ITPKB: variants seen among roughly 807,000 people sequenced by gnomAD.
ITPKB encodes the protein inositol-trisphosphate 3-kinase B, also known as IP3 3-kinase B.
ITPKB carries 13 observed loss-of-function variants against 69.4 expected under a neutral mutation model. That is an observed-to-expected ratio of 0.19 (90% confidence interval 0.12 to 0.30). The LOEUF is 0.30. ITPKB is among the 10% of genes least tolerant of loss of function. The pLI, the probability that ITPKB is intolerant of heterozygous loss-of-function variation, is 1.00. For synonymous variants in ITPKB, 584 were observed against 513.7 expected, an observed-to-expected ratio of 1.14 and a Z score of -1.85; for missense variants, 1,240 against 1,250.5, an observed-to-expected ratio of 0.99 and a Z score of 0.13.
intron 2 of ITPKB, among the ~76,000 whole-genome samples, chr1:226,727,383 G>A (rs1035754009): frequency 1.3e-5 from 2 of 152,156 alleles, no homozygotes; most frequent in South Asian, 2.1e-4. Flanking sequence ...GAACTGCCTG[G>A]GGGTGCAGTG....
At chr1:226,654,498 C>T (rs1031883172) in intron 2 of ITPKB, among the ~76,000 whole-genome samples, 4 of 152,196 alleles carry the variant, frequency 2.6e-5, no homozygotes, top group Non-Finnish European at 5.9e-5. Flanking sequence ...GGAATCTACT[C>T]CCTGGGGGCC....
Position 226,735,879 on chromosome 1 carries a change from T to G in ITPKB, c.1580A>C (p.Gln527Pro). The G allele has an allele frequency of 6.2e-7, 1 of 1,610,328 alleles. No homozygotes were observed. Among genetic ancestry groups the G allele is most frequent in the Non-Finnish European group, 8.5e-7 (1 of 1,177,062 alleles). ...GLAWTRGTGVQSEGTWESQRQ... is the reference protein window; with the variant it reads ...GLAWTRGTGVPSEGTWESQRQ... ...CTGGCTTTCCCAAGTCCCCTCTGAT[T>G]GCACCCCTGTGCCACGCGTCCAAGC... is the stretch of plus-strand genomic sequence containing the variant. Residue 527 changes from glutamine (Q) to proline (P), a missense_variant, in exon 2 of 8, where the codon CAA becomes CCA. Coordinates refer to ENST00000429204, the MANE Select transcript of ITPKB (RefSeq NM_002221.4).
In ITPKB at chr1:226,737,280, G is replaced by T. The variant is rs745414158; in HGVS notation, c.179C>A (p.Pro60Gln). Reference sequence around the variant, plus strand: ...CTCCTCGGGGGACAGCGACTCGGCTGGGGGGAAGAGGAAAGAGGCGCCTCT... The same window carrying T: ...CTCCTCGGGGGACAGCGACTCGGCTTGGGGGAAGAGGAAAGAGGCGCCTCT... ...PGRGASFLFP[P>Q]AESLSPEEPR... The change falls in exon 2 of 8, where the codon CCA becomes CAA. Residue 60 changes from proline (P) to glutamine (Q), a missense_variant. Physicochemically the swap from Pro to Gln is moderately conservative, Grantham distance 76. Transcript: ENST00000429204. The T allele has an allele frequency of 1.4e-5, 22 of 1,556,370 alleles. No individual in the cohort carries two copies. The East Asian group carries it at 1.4e-4, about 10-fold the overall frequency.
intron 2 of ITPKB, among the ~76,000 whole-genome samples, chr1:226,666,554 C>A (rs1669507173): frequency 2.0e-5 from 3 of 152,212 alleles, no homozygotes; most frequent in Non-Finnish European, 2.9e-5. Flanking sequence ...ATGGGAGACC[C>A]TAAGATCTAC....
chr1:226,643,764 C>T (rs556175613), intron 4 of ITPKB, among the ~76,000 whole-genome samples: 2 of 152,360 alleles, frequency 1.3e-5, no homozygotes, highest in South Asian at 4.1e-4. Flanking sequence ...AAGTCAGTAG[C>T]TTTGGGTTGG....
At chr1:226,651,372 GT>G (rs901505307) in intron 2 of ITPKB, among the ~76,000 whole-genome samples, 1 of 152,212 alleles carries the variant, frequency 6.6e-6, no homozygotes, top group Non-Finnish European at 1.5e-5. Context: ...CTTAGTCCTT[GT>G]TTGTAAAAAG....
intron 2 of ITPKB, among the ~76,000 whole-genome samples, chr1:226,720,106 A>G (rs1223659340): frequency 2.0e-5 from 3 of 152,202 alleles, no homozygotes; most frequent in Non-Finnish European, 4.4e-5. Context: ...CCTTTTTTAA[A>G]CAAAGGCCCA....
At chr1:226,720,177 C>T (rs1657198535) in intron 2 of ITPKB, among the ~76,000 whole-genome samples, 1 of 152,204 alleles carries the variant, frequency 6.6e-6, no homozygotes. Flanking sequence ...AAATTTTTAA[C>T]TAGACTAAAA....
intron 4 of ITPKB, among the ~76,000 whole-genome samples, chr1:226,646,651 G>T (rs1215839809): frequency 6.6e-6 from 1 of 152,128 alleles, no homozygotes; most frequent in Non-Finnish European, 1.5e-5. Flanking sequence ...TCCGTCAGGG[G>T]CTTCCTCCTC....
At chr1:226,665,754 A>G (rs1439972487) in intron 2 of ITPKB, among the ~76,000 whole-genome samples, 1 of 152,154 alleles carries the variant, frequency 6.6e-6, no homozygotes, top group African/African-American at 2.4e-5. Context: ...GCAGTACCTG[A>G]CTCTGACCAA....
intron 2 of ITPKB, among the ~76,000 whole-genome samples, chr1:226,715,351 G>A (rs1472083603): frequency 6.6e-6 from 1 of 152,222 alleles, no homozygotes; most frequent in African/African-American, 2.4e-5. Flanking sequence ...GACAAGGCCT[G>A]TGCGTGCATT....
chr1:226,653,087 G>A (rs1669227188), intron 2 of ITPKB, among the ~76,000 whole-genome samples: 1 of 152,176 alleles, frequency 6.6e-6, no homozygotes, highest in African/African-American at 2.4e-5. Context: ...TGGGGCTCTC[G>A]CTATGTGACA....
At chr1:226,722,001 C>A (rs777614714) in intron 2 of ITPKB, among the ~76,000 whole-genome samples, 1 of 151,760 alleles carries the variant, frequency 6.6e-6, no homozygotes, top group South Asian at 2.1e-4. Context: ...TTAGTAGATA[C>A]GGGATTTCAC....
intron 2 of ITPKB, among the ~76,000 whole-genome samples, chr1:226,649,060 C>T (rs760766461): frequency 2.0e-5 from 3 of 152,246 alleles, no homozygotes; most frequent in Non-Finnish European, 4.4e-5. Context: ...AGCCGCACCA[C>T]ATTAGTTCAT....
chr1:226,673,696 C>T (rs1388977585), intron 2 of ITPKB, among the ~76,000 whole-genome samples: 58 of 151,682 alleles, frequency 3.8e-4, no homozygotes, highest in East Asian at 7.7e-4. Flanking sequence ...TTGATATGTA[C>T]ATATACCATA....
At chr1:226,720,433 A>G (rs1319045786) in intron 2 of ITPKB, among the ~76,000 whole-genome samples, 1 of 152,226 alleles carries the variant, frequency 6.6e-6, no homozygotes, top group African/African-American at 2.4e-5. Context: ...GGTGGCAGAG[A>G]GGACAGGGTA....
intron 2 of ITPKB, among the ~76,000 whole-genome samples, chr1:226,692,578 G>A (rs1256830907): frequency 6.6e-6 from 1 of 152,144 alleles, no homozygotes; most frequent in African/African-American, 2.4e-5. Flanking sequence ...AACAGCTGAC[G>A]CTAAACTTGG....
chr1:226,728,096 C>G (rs1657477745), intron 2 of ITPKB, among the ~76,000 whole-genome samples: 2 of 152,134 alleles, frequency 1.3e-5, no homozygotes, highest in South Asian at 4.1e-4. Context: ...AAAAACATCT[C>G]CTCCCACTCC....
chr1:226,720,335 G>T (rs1012788462), intron 2 of ITPKB, among the ~76,000 whole-genome samples: 4 of 152,150 alleles, frequency 2.6e-5, no homozygotes, highest in African/African-American at 9.7e-5. Flanking sequence ...TCTGCATTCA[G>T]TTCAGTTAGT....
Sources: gnomAD v4.1 joint callset for allele counts (sites outside exome capture counted in the v4.1 genomes callset) on GRCh38, gnomAD v4.1.1 for gene constraint, MANE v1.5 for transcripts, NCBI Gene and HGNC (gene_info 2026-07-23, HGNC 2026-07-21) for gene names.